PLCXD3: variants seen among roughly 807,000 people sequenced by gnomAD.
PLCXD3 encodes phosphatidylinositol specific phospholipase C X domain containing 3, also known as PI-PLC X domain-containing protein 3.
PLCXD3 carries 19 observed loss-of-function variants against 25.5 expected under a neutral mutation model. The observed-to-expected ratio is 0.75, with a 90% confidence interval of 0.52 to 1.09. PLCXD3 has a LOEUF of 1.09. PLCXD3 is among the 50% of genes least tolerant of loss of function. PLCXD3 has a pLI of 0.00. For missense variants in PLCXD3, 411 were observed against 388.1 expected, an observed-to-expected ratio of 1.06 and a Z score of -0.50; for synonymous variants, 174 against 137.6, an observed-to-expected ratio of 1.26 and a Z score of -1.85.
chr5:41,343,749 C>T (rs1419737199), intron 2 of PLCXD3, among the ~76,000 whole-genome samples: 1 of 152,086 alleles, frequency 6.6e-6, no homozygotes, highest in Non-Finnish European at 1.5e-5. Context: ...GACATTTTTT[C>T]TGATCTTAAT....
intron 1 of PLCXD3, among the ~76,000 whole-genome samples, chr5:41,487,524 C>T (rs1266592411): frequency 6.6e-6 from 1 of 152,138 alleles, no homozygotes; most frequent in Non-Finnish European, 1.5e-5. Context: ...AGCTTATATT[C>T]TACTCATTTG....
chr5:41,380,962 A>G (rs1745440028), intron 2 of PLCXD3, among the ~76,000 whole-genome samples: 1 of 152,172 alleles, frequency 6.6e-6, no homozygotes, highest in Non-Finnish European at 1.5e-5. Flanking sequence ...CAATGAAGTG[A>G]CCACTTTCTC....
chr5:41,442,269 A>G lies in PLCXD3; in HGVS notation c.104-59735T>C, dbSNP rs1198537195. On this transcript the variant is annotated intron_variant, in intron 1 of 2. Transcript: ENST00000377801. ...TGATCTGACAAGGAGGCAAAAACAC[A>G]AAGTATGCACATGTGACTTAGTTAA... Among the ~76,000 whole-genome samples, 11 of 152,252 alleles carry G rather than the reference A, an allele frequency of 7.2e-5. No individual in the cohort carries two copies. In the East Asian group the frequency reaches 2.1e-3, roughly 29 times the overall value.
intron 2 of PLCXD3, among the ~76,000 whole-genome samples, chr5:41,336,779 G>A (rs180674588): frequency 6.6e-6 from 1 of 152,176 alleles, no homozygotes; most frequent in Non-Finnish European, 1.5e-5. Context: ...CACAGCTCCT[G>A]CAGTCTTGGC....
chr5:41,466,564 T>A (rs1748021945), intron 1 of PLCXD3, among the ~76,000 whole-genome samples: 1 of 152,104 alleles, frequency 6.6e-6, no homozygotes, highest in Non-Finnish European at 1.5e-5. Flanking sequence ...CATTTGAGAT[T>A]TATTCTTAGT....
chr5:41,464,962 A>C (rs1267714023), intron 1 of PLCXD3, among the ~76,000 whole-genome samples: 1 of 152,044 alleles, frequency 6.6e-6, no homozygotes, highest in Non-Finnish European at 1.5e-5. Flanking sequence ...ATTCTAAAAA[A>C]TGTAGTGGTC....
In PLCXD3 at chr5:41,474,064, C is replaced by T. The variant is rs75235442; in HGVS notation, c.103+36360G>A. On this transcript the variant is annotated intron_variant, in intron 1 of 2. Transcript: ENST00000377801. ...CTGTTACTACTTGAGACCATCGTTA[C>T]GAGACTGAACAAAGGGATGAAGGTA... 5.6e-3 allele frequency among the ~76,000 whole-genome samples: 858 copies of T among 152,184 alleles called. 3 individuals are homozygous for T. The highest frequency in any genetic ancestry group is 0.016 in the African/African-American group (661 of 41,524).
chr5:41,473,341 T>C (rs1748207300), intron 1 of PLCXD3, among the ~76,000 whole-genome samples: 1 of 152,188 alleles, frequency 6.6e-6, no homozygotes. Flanking sequence ...TACAAAGTGA[T>C]AGCACATGTA....
chr5:41,436,114 C>G (rs1430683651), intron 1 of PLCXD3, among the ~76,000 whole-genome samples: 1 of 152,016 alleles, frequency 6.6e-6, no homozygotes, highest in Non-Finnish European at 1.5e-5. Context: ...TACTGGCCAC[C>G]CACATTTGGA....
Position 41,312,855 on chromosome 5 carries a change from AT to A in PLCXD3, c.*761del, listed in dbSNP as rs747147408. 1 of 152,616 alleles carries A rather than the reference AT, an allele frequency of 6.6e-6. No individual in the cohort carries two copies. Among genetic ancestry groups the A allele is most frequent in the Non-Finnish European group, 1.5e-5 (1 of 68,004 alleles). The allele number at this position is 152,616 out of a possible 1,614,324, so 9.5% of individuals were successfully genotyped here. On this transcript the variant is annotated 3_prime_UTR_variant, in exon 3 of 3. Coordinates refer to ENST00000377801, the MANE Select transcript of PLCXD3 (RefSeq NM_001005473.3). ...TACTGGGTACTTGCAGGGCAATATTATTTAAGAGATTGCCAAATTAAAATGC... is the reference window on the plus strand; with the variant it reads ...TACTGGGTACTTGCAGGGCAATATTATTAAGAGATTGCCAAATTAAAATGC...
chr5:41,340,312 T>A (rs960054167), intron 2 of PLCXD3, among the ~76,000 whole-genome samples: 12 of 152,170 alleles, frequency 7.9e-5, no homozygotes, highest in Non-Finnish European at 2.9e-5. Context: ...ACTAATTAAA[T>A]AGCTAATGTA....
chr5:41,491,918 T>C (rs1315569653), intron 1 of PLCXD3, among the ~76,000 whole-genome samples: 2 of 151,824 alleles, frequency 1.3e-5, no homozygotes, highest in African/African-American at 2.4e-5. Flanking sequence ...TTAATTGGAG[T>C]ATTTAGTCCA....
chr5:41,365,186 C>A (rs1249064768), intron 2 of PLCXD3, among the ~76,000 whole-genome samples: 4 of 152,102 alleles, frequency 2.6e-5, no homozygotes, highest in Non-Finnish European at 5.9e-5. Flanking sequence ...CAATTTTTCA[C>A]CATAGAAATT....
chr5:41,493,507 T>C (rs1748755215), intron 1 of PLCXD3, among the ~76,000 whole-genome samples: 2 of 152,240 alleles, frequency 1.3e-5, no homozygotes, highest in Admixed American at 1.3e-4. Flanking sequence ...TACTGCTGTC[T>C]TTTTGTTTGT....
At chr5:41,385,956 C>T (rs1237918505) in intron 1 of PLCXD3, among the ~76,000 whole-genome samples, 1 of 152,054 alleles carries the variant, frequency 6.6e-6, no homozygotes, top group Admixed American at 6.6e-5. Flanking sequence ...GTGAGAGAGA[C>T]CGAAGCAGGG....
chr5:41,480,089 A>G (rs1043109932), intron 1 of PLCXD3, among the ~76,000 whole-genome samples: 5 of 152,246 alleles, frequency 3.3e-5, no homozygotes, highest in African/African-American at 1.2e-4. Context: ...TTAGAGGGAT[A>G]CGAGCTGAAG....
intron 2 of PLCXD3, among the ~76,000 whole-genome samples, chr5:41,342,448 C>A (rs1561238619): frequency 6.6e-6 from 1 of 152,108 alleles, no homozygotes; most frequent in African/African-American, 2.4e-5. Flanking sequence ...GTTTCCCAAA[C>A]TTGTTAATAA....
rs1267091012 is a variant in PLCXD3, at chr5:41,424,321, A to G, written c.104-41787T>C. Among the ~76,000 whole-genome samples the G allele has an allele frequency of 2.0e-5, 3 of 152,226 alleles. No homozygotes were observed. The East Asian group carries it at 5.8e-4, about 29-fold the overall frequency. On this transcript the variant is annotated intron_variant, in intron 1 of 2. Coordinates refer to ENST00000377801, the MANE Select transcript of PLCXD3 (RefSeq NM_001005473.3). Reference sequence around the variant, plus strand: ...CACTTTGAGAGGCCGAGGCGGGCAGATCACCTGAGGTCAGGAGTTCGAGAC... The same window carrying G: ...CACTTTGAGAGGCCGAGGCGGGCAGGTCACCTGAGGTCAGGAGTTCGAGAC...
intron 1 of PLCXD3, among the ~76,000 whole-genome samples, chr5:41,424,889 G>T (rs1232120201): frequency 1.3e-5 from 2 of 152,086 alleles, no homozygotes; most frequent in African/African-American, 4.8e-5. Context: ...CTTGTTTATT[G>T]TCTTGTCAAA....
Sources: gnomAD v4.1 joint callset for allele counts (sites outside exome capture counted in the v4.1 genomes callset) on GRCh38, gnomAD v4.1.1 for gene constraint, MANE v1.5 for transcripts, NCBI Gene and HGNC (gene_info 2026-07-23, HGNC 2026-07-21) for gene names.